CTSC: variants seen among roughly 807,000 people sequenced by gnomAD.
CTSC encodes the protein cathepsin C.
Under a neutral mutation model 40.9 loss-of-function variants are expected in CTSC, and 37 were observed. That is an observed-to-expected ratio of 0.91 (90% CI 0.70 to 1.19). CTSC has a LOEUF of 1.19. Among genes scored for constraint, CTSC ranks in the 50% most tolerant of loss-of-function variants. CTSC has a pLI of 0.00. For synonymous variants in CTSC, 232 were observed against 207.4 expected, an observed-to-expected ratio of 1.12 and a Z score of -1.02; for missense variants, 594 against 567.3, an observed-to-expected ratio of 1.05 and a Z score of -0.48.
Position 88,294,277 on chromosome 11 carries a change from A to G in CTSC, c.1121T>C (p.Phe374Ser), listed in dbSNP as rs374367313. ...LVHHGPMAVA[F>S]EVYDDFLHYK... is the part of the protein sequence containing the mutation. ...GTGGAGGAAGTCATCATATACTTCAAAAGCAACTGCCATGGGCCCATGATG... is the reference window on the plus strand; with the variant it reads ...GTGGAGGAAGTCATCATATACTTCAGAAGCAACTGCCATGGGCCCATGATG... Residue 374 changes from phenylalanine to serine, a missense_variant, in exon 7 of 7, where the codon TTT (phenylalanine) becomes TCT (serine). Phe to Ser is a radical substitution (Grantham distance 155). Coordinates refer to ENST00000227266, the MANE Select transcript of CTSC (RefSeq NM_001814.6). The G allele has an allele frequency of 8.7e-6, 14 of 1,613,984 alleles. No individual in the cohort carries two copies. Among genetic ancestry groups the G allele is most frequent in the African/African-American group, 8.0e-5 (6 of 74,884 alleles).
At chr11:88,330,598 TCGGCCTCC>T (rs1938324173) in intron 2 of CTSC, among the ~76,000 whole-genome samples, 2 of 152,064 alleles carry the variant, frequency 1.3e-5, no homozygotes, top group African/African-American at 4.8e-5. Context: ...ATCGCCTGTC[TCGGCCTCC>T]CAAAGTGCTG....
At chr11:88,332,533 C>A (rs544551652) in intron 2 of CTSC, among the ~76,000 whole-genome samples, 1 of 152,320 alleles carries the variant, frequency 6.6e-6, no homozygotes, top group African/African-American at 2.4e-5. Context: ...TGTTTCCCAT[C>A]ACTCTTGCAA....
At chr11:88,301,480 A>G (rs538736636) in intron 4 of CTSC, among the ~76,000 whole-genome samples, 2 of 152,266 alleles carry the variant, frequency 1.3e-5, no homozygotes, top group Non-Finnish European at 2.9e-5. Flanking sequence ...TTCATTTTCA[A>G]TAAATCTCCG....
Position 88,294,239 on chromosome 11 carries a change from T to TC in CTSC, c.1158dup (p.Ile387AspfsTer15). On this transcript the variant is annotated frameshift_variant, in exon 7 of 7. Coordinates refer to ENST00000227266, the MANE Select transcript of CTSC (RefSeq NM_001814.6). LOFTEE classifies it high-confidence loss of function. The stretch of plus-strand genomic sequence containing the variant: ...TCTCTTAGACCAGTGTGGTGGTAGA[T>TC]CCCCTTTTTGTAGTGGAGGAAGTCA... 1 of 1,613,916 alleles carries TC rather than the reference T, an allele frequency of 6.2e-7. No homozygotes were observed. Among genetic ancestry groups the TC allele is most frequent in the Non-Finnish European group, 8.5e-7 (1 of 1,179,982 alleles).
intron 2 of CTSC, among the ~76,000 whole-genome samples, chr11:88,314,856 T>C (rs1937840433): frequency 6.6e-6 from 1 of 152,098 alleles, no homozygotes; most frequent in Admixed American, 6.5e-5. Flanking sequence ...GGATCCCATA[T>C]GTCTGCTTCT....
rs147956688 is a variant in CTSC at position 88,319,350 on chromosome 11, T to C, written c.319-6796A>G. On this transcript the variant is annotated intron_variant, in intron 2 of 6. Coordinates refer to ENST00000227266, the MANE Select transcript of CTSC (RefSeq NM_001814.6). ...TAGTCCTAGACATCAATAAAGCAAA[T>C]GTTTCAGTTAAAATTTGTCTATTAA... Among the ~76,000 whole-genome samples the C allele has an allele frequency of 5.6e-3, 852 of 152,256 alleles. 31 individuals carry two copies. Among genetic ancestry groups the C allele is most frequent in the Admixed American group, 0.043 (659 of 15,292 alleles).
chr11:88,313,629 T>C (rs905614948), intron 2 of CTSC, among the ~76,000 whole-genome samples: 1 of 152,094 alleles, frequency 6.6e-6, no homozygotes, highest in Non-Finnish European at 1.5e-5. Context: ...AGGATGACTG[T>C]GTAGCATGTG....
At chr11:88,301,016 C>G (rs1210502319) in intron 4 of CTSC, among the ~76,000 whole-genome samples, 2 of 151,898 alleles carry the variant, frequency 1.3e-5, no homozygotes, top group Non-Finnish European at 2.9e-5. Flanking sequence ...TTAGAGAAAA[C>G]AGAGGAATCA....
intron 2 of CTSC, among the ~76,000 whole-genome samples, chr11:88,332,810 T>C (rs1216190018): frequency 6.6e-6 from 1 of 152,232 alleles, no homozygotes; most frequent in Non-Finnish European, 1.5e-5. Flanking sequence ...GAGTATTTTT[T>C]CTATTGTTAT....
chr11:88,328,086 G>T (rs1021033714), intron 2 of CTSC: 12 of 1,535,254 alleles, frequency 7.8e-6, no homozygotes, highest in Middle Eastern at 3.4e-4. Context: ...TAATAAGAAA[G>T]TTAGAAATTT....
At chr11:88,330,628 A>C (rs1938325864) in intron 2 of CTSC, among the ~76,000 whole-genome samples, 2 of 152,080 alleles carry the variant, frequency 1.3e-5, no homozygotes, top group African/African-American at 4.8e-5. Flanking sequence ...GATTACAGGT[A>C]TGAGTCACCG....
chr11:88,319,146 T>C (rs949705975), intron 2 of CTSC, among the ~76,000 whole-genome samples: 1 of 152,142 alleles, frequency 6.6e-6, no homozygotes, highest in African/African-American at 2.4e-5. Context: ...ACTCATAAAA[T>C]GAACAAGTAG....
At chr11:88,330,974 T>C (rs1406232407) in intron 2 of CTSC, among the ~76,000 whole-genome samples, 2 of 152,206 alleles carry the variant, frequency 1.3e-5, no homozygotes, top group Non-Finnish European at 2.9e-5. Context: ...AGAAGCTGTG[T>C]CTCTCCTGGT....
At chr11:88,296,037 GCT>G in intron 6 of CTSC, 94 bp downstream of exon 6, 1 of 1,286,626 alleles carries the variant, frequency 7.8e-7, no homozygotes, top group South Asian at 1.2e-5. Context: ...TAGACACTGC[GCT>G]CTCTCTACTG....
At chr11:88,313,539 T>C (rs1937813405) in intron 2 of CTSC, among the ~76,000 whole-genome samples, 1 of 152,180 alleles carries the variant, frequency 6.6e-6, no homozygotes, top group Non-Finnish European at 1.5e-5. Flanking sequence ...GATCCAGGAT[T>C]TGAACTAAGA....
At chr11:88,317,893 A>G (rs1431979811) in intron 2 of CTSC, among the ~76,000 whole-genome samples, 1 of 152,244 alleles carries the variant, frequency 6.6e-6, no homozygotes, top group Non-Finnish European at 1.5e-5. Flanking sequence ...TAAGTTTAAA[A>G]AACTATTATG....
intron 3 of CTSC, 55 bp downstream of exon 3, chr11:88,312,333 A>G: frequency 6.4e-7 from 1 of 1,551,352 alleles, no homozygotes; most frequent in Non-Finnish European, 8.9e-7. Flanking sequence ...GTACACACAT[A>G]TTCATATATA....
intron 3 of CTSC, among the ~76,000 whole-genome samples, chr11:88,309,812 G>GCACA (rs746757518): frequency 0.018 from 1,960 of 108,012 alleles, 19 homozygotes; most frequent in East Asian, 0.043. Context: ...ATATGTATGC[G>GCACA]CGCACACACA....
At chr11:88,314,092 A>G (rs1695220380) in intron 2 of CTSC, among the ~76,000 whole-genome samples, 1 of 152,172 alleles carries the variant, frequency 6.6e-6, no homozygotes, top group Non-Finnish European at 1.5e-5. Context: ...CTCTACTCTA[A>G]TACACATTAT....
Sources: allele counts gnomAD v4.1 joint callset (sites outside exome capture counted in the v4.1 genomes callset), GRCh38; gene constraint gnomAD v4.1.1; transcripts MANE v1.5; gene names NCBI Gene and HGNC (gene_info 2026-07-23, HGNC 2026-07-21).